Variants in GRIA4 observed in about 807,000 individuals in gnomAD.
GRIA4 encodes the protein glutamate ionotropic receptor AMPA type subunit 4.
In GRIA4, 34 loss-of-function variants were observed where a neutral mutation model predicts 104.0. That is an observed-to-expected ratio of 0.33 (90% CI 0.25 to 0.44). The LOEUF (loss-of-function observed/expected upper bound fraction) is 0.44, where lower values mean the gene tolerates loss of function less well. Among genes scored for constraint, GRIA4 ranks in the 20% least tolerant of loss-of-function variants. GRIA4 has a pLI of 1.00. For synonymous variants in GRIA4, 386 were observed against 381.9 expected (o/e 1.01, Z -0.13); for missense variants, 750 against 1,096.5 (o/e 0.68, Z 4.46).
chr11:105,728,213 G>A (rs1419288644), intron 3 of GRIA4, among the ~76,000 whole-genome samples: 1 of 152,040 alleles, frequency 6.6e-6, no homozygotes, highest in Non-Finnish European at 1.5e-5. Context: ...AAAGAAGCAG[G>A]GGTTGCAATC....
intron 5 of GRIA4, among the ~76,000 whole-genome samples, chr11:105,865,588 T>G (rs1156514009): frequency 6.6e-6 from 1 of 152,188 alleles, no homozygotes; most frequent in Non-Finnish European, 1.5e-5. Flanking sequence ...AATAGCTTCA[T>G]GTAGCTGGAA....
chr11:105,705,401 T>C (rs1377505785), intron 3 of GRIA4, among the ~76,000 whole-genome samples: 1 of 151,996 alleles, frequency 6.6e-6, no homozygotes, highest in Non-Finnish European at 1.5e-5. Context: ...CCAGAGGAGA[T>C]AAAACAAGAA....
At chr11:105,637,353 G>A (rs536158153) in intron 3 of GRIA4, among the ~76,000 whole-genome samples, 9 of 152,058 alleles carry the variant, frequency 5.9e-5, no homozygotes, top group South Asian at 2.1e-4. Context: ...TATTTAAAAA[G>A]TAATGCTTTT....
chr11:105,623,655 C>T (rs1291754749), intron 3 of GRIA4, among the ~76,000 whole-genome samples: 1 of 152,062 alleles, frequency 6.6e-6, no homozygotes, highest in Non-Finnish European at 1.5e-5. Flanking sequence ...TTTTAAGACT[C>T]AGGTTAAATG....
chr11:105,697,930 A>G (rs1014618716), intron 3 of GRIA4, among the ~76,000 whole-genome samples: 24 of 152,150 alleles, frequency 1.6e-4, no homozygotes, highest in African/African-American at 5.1e-4. Context: ...CTTTTTTCCA[A>G]CACAGGTTAA....
chr11:105,642,140 C>T (rs566219426), intron 3 of GRIA4, among the ~76,000 whole-genome samples: 2 of 152,148 alleles, frequency 1.3e-5, no homozygotes, highest in African/African-American at 2.4e-5. Context: ...AGACCCTGTC[C>T]CCCAAATACA....
chr11:105,834,644 T>C (rs187270650), intron 4 of GRIA4, among the ~76,000 whole-genome samples: 9 of 151,432 alleles, frequency 5.9e-5, no homozygotes, highest in Admixed American at 1.3e-4. Context: ...ACCAGAAATA[T>C]GCAATGAAAC....
intron 3 of GRIA4, among the ~76,000 whole-genome samples, chr11:105,701,916 T>C (rs1039433830): frequency 2.0e-5 from 3 of 152,176 alleles, no homozygotes; most frequent in African/African-American, 4.8e-5. Context: ...AATATACCAA[T>C]ATTTTTCTCT....
chr11:105,862,451 TGAAA>T lies in GRIA4; in HGVS notation c.672+246_672+249del, dbSNP rs1374593861. The T allele has an allele frequency of 1.2e-4, 40 of 338,432 alleles. No homozygotes were observed. In the East Asian group the frequency reaches 2.4e-3, roughly 20 times the overall value. 21.0% of individuals were successfully genotyped at this position (338,432 alleles called of 1,614,324 possible). Reference sequence around the variant, plus strand: ...CACATATTCTTAAGACTTGAATGAGTGAAAGACTCTGTGTGAATCTTGAAGAGCT... The same window carrying T: ...CACATATTCTTAAGACTTGAATGAGTGACTCTGTGTGAATCTTGAAGAGCT... On this transcript the variant is annotated intron_variant, in intron 5 of 16. Coordinates refer to ENST00000282499, the MANE Select transcript of GRIA4 (RefSeq NM_000829.4).
intron 3 of GRIA4, among the ~76,000 whole-genome samples, chr11:105,657,625 C>T (rs1457158200): frequency 6.6e-6 from 1 of 151,832 alleles, no homozygotes; most frequent in Non-Finnish European, 1.5e-5. Context: ...AAAGGCATTG[C>T]TTTTTAGTCT....
chr11:105,741,988 A>G (rs955724101), intron 3 of GRIA4, among the ~76,000 whole-genome samples: 2 of 152,096 alleles, frequency 1.3e-5, no homozygotes, highest in Non-Finnish European at 2.9e-5. Flanking sequence ...CTGAGAGTAG[A>G]TTTTAGGTGT....
chr11:105,791,396 T>A (rs577096309), intron 4 of GRIA4, among the ~76,000 whole-genome samples: 5 of 152,342 alleles, frequency 3.3e-5, no homozygotes, highest in African/African-American at 1.2e-4. Flanking sequence ...GTGCATTTAA[T>A]GCATAATGTT....
chr11:105,658,736 T>C (rs1216752204), intron 3 of GRIA4, among the ~76,000 whole-genome samples: 2 of 151,938 alleles, frequency 1.3e-5, no homozygotes, highest in Non-Finnish European at 2.9e-5. Flanking sequence ...AGCAAAGACC[T>C]CCTTAGGTCT....
intron 3 of GRIA4, among the ~76,000 whole-genome samples, chr11:105,692,552 G>A (rs1445780021): frequency 2.6e-5 from 4 of 152,120 alleles, no homozygotes; most frequent in African/African-American, 4.8e-5. Context: ...TTGACAAATC[G>A]AAAGGATAGC....
chr11:105,703,612 T>C (rs1373967668), intron 3 of GRIA4, among the ~76,000 whole-genome samples: 2 of 152,224 alleles, frequency 1.3e-5, no homozygotes, highest in Non-Finnish European at 2.9e-5. Flanking sequence ...ACAGTAGTTA[T>C]TCCACAATGG....
At chr11:105,735,793 TG>T (rs1188786417) in intron 3 of GRIA4, among the ~76,000 whole-genome samples, 7 of 152,168 alleles carry the variant, frequency 4.6e-5, no homozygotes, top group African/African-American at 1.7e-4. Flanking sequence ...CCGGGAAAGT[TG>T]TTTTCTCCTT....
intron 5 of GRIA4, among the ~76,000 whole-genome samples, chr11:105,880,701 T>C (rs1002782775): frequency 6.6e-6 from 1 of 152,112 alleles, no homozygotes; most frequent in African/African-American, 2.4e-5. Flanking sequence ...TTGTTAGAAA[T>C]AGAAATAATT....
At chr11:105,901,239 T>C (rs1485509513) in intron 7 of GRIA4, among the ~76,000 whole-genome samples, 1 of 152,178 alleles carries the variant, frequency 6.6e-6, no homozygotes, top group African/African-American at 2.4e-5. Flanking sequence ...TTTCATTTCA[T>C]TTTGCTCTGT....
chr11:105,796,083 ATATATT>A (rs1942468301), intron 4 of GRIA4, among the ~76,000 whole-genome samples: 1 of 152,126 alleles, frequency 6.6e-6, no homozygotes, highest in African/African-American at 2.4e-5. Context: ...TCATTTTAAA[ATATATT>A]TATATCAGGT....
Sources: gnomAD v4.1 joint callset for allele counts (sites outside exome capture counted in the v4.1 genomes callset) on GRCh38, gnomAD v4.1.1 for gene constraint, MANE v1.5 for transcripts, NCBI Gene and HGNC (gene_info 2026-07-23, HGNC 2026-07-21) for gene names.